KLHL12: variants seen among roughly 807,000 people sequenced by gnomAD.
KLHL12 encodes kelch-like protein 12.
In KLHL12, 17 loss-of-function variants were observed where a neutral mutation model predicts 60.8. The ratio of observed to expected loss-of-function variants is 0.28; its 90% confidence interval spans 0.19 to 0.42. The LOEUF is 0.42. KLHL12 is among the 10% of genes least tolerant of loss of function. KLHL12 has a pLI of 1.00. For synonymous variants in KLHL12, 220 were observed against 250.9 expected, an observed-to-expected ratio of 0.88 and a Z score of 1.16; for missense variants, 468 against 722.3, an observed-to-expected ratio of 0.65 and a Z score of 4.04.
chr1:202,893,857 G>A lies in KLHL12; in HGVS notation c.1393+327C>T, dbSNP rs1276290367. On this transcript the variant is annotated intron_variant, in intron 10 of 11. Transcript: ENST00000367261. The surrounding 1 kb of genome is among the most constrained non-coding windows in gnomAD (Gnocchi z 4.1). ...CCTGCTCCACTTCAAAAAGCTCTTG[G>A]TGAAGGTAAGTAGCTACTCTTTTGT... Among the ~76,000 whole-genome samples the A allele has an allele frequency of 3.3e-5, 5 of 152,168 alleles. No homozygotes were observed. The highest frequency in any genetic ancestry group is 1.2e-4 in the African/African-American group (5 of 41,422).
At chr1:202,912,798 G>C in intron 4 of KLHL12, 1 of 949,944 alleles carries the variant, frequency 1.1e-6, no homozygotes, top group Middle Eastern at 3.1e-4. Context: ...GGTTACAACA[G>C]ATTTGTGAAC....
chr1:202,911,808 C>T (rs1660371018), intron 4 of KLHL12: 11 of 718,922 alleles, frequency 1.5e-5, no homozygotes, highest in Admixed American at 1.1e-4. Context: ...TCCTCCCTGC[C>T]GTCATGTCTA....
At chr1:202,907,999 A>G (rs1017534737) in intron 6 of KLHL12, among the ~76,000 whole-genome samples, 1 of 152,214 alleles carries the variant, frequency 6.6e-6, no homozygotes, top group Non-Finnish European at 1.5e-5. Flanking sequence ...CTTAGCACGC[A>G]TCATGAGTCC....
At chr1:202,920,601 C>T (rs914482451) in intron 2 of KLHL12, among the ~76,000 whole-genome samples, 9 of 151,976 alleles carry the variant, frequency 5.9e-5, no homozygotes, top group African/African-American at 2.2e-4. Flanking sequence ...TGGTCTCGAT[C>T]TCCTCACCTC....
rs79946437 is a variant in KLHL12, at chr1:202,910,107, C to T, written c.717+947G>A. On this transcript the variant is annotated intron_variant, in intron 5 of 11. Coordinates refer to ENST00000367261, the MANE Select transcript of KLHL12 (RefSeq NM_021633.4). ...AGTAGTAAACACTTATGTACAAAGA[C>T]TTGGTTTTAAAAGTTTTCACATAGT... is the stretch of plus-strand genomic sequence containing the variant. Among the ~76,000 whole-genome samples the T allele has an allele frequency of 7.9e-3, 1,208 of 152,244 alleles. 13 individuals carry two copies. Among genetic ancestry groups the T allele is most frequent in the African/African-American group, 0.023 (948 of 41,548 alleles).
chr1:202,925,070 G>A lies in KLHL12; in HGVS notation c.93C>T (p.Thr31=). The A allele has an allele frequency of 1.2e-6, 2 of 1,614,042 alleles. No individual in the cohort carries two copies. The highest frequency in any genetic ancestry group is 1.3e-5 in the African/African-American group (1 of 74,972). ...NSMNSLRKSN[T]LCDVTLRVEQ... ...CTACTCTCAATGTCACATCACAGAGGGTATTGCTCTTCCTGAGGGAGTTCA... is the reference window on the plus strand; with the variant it reads ...CTACTCTCAATGTCACATCACAGAGAGTATTGCTCTTCCTGAGGGAGTTCA... Residue 31 remains threonine, a synonymous_variant, in exon 2 of 12, where the codon ACC becomes ACT. Coordinates refer to ENST00000367261, the MANE Select transcript of KLHL12 (RefSeq NM_021633.4).
Position 202,925,007 on chromosome 1 carries a change from A to C in KLHL12, c.156T>G (p.Ala52=), listed in dbSNP as rs1409018268. 1.9e-6 allele frequency: 3 copies of C among 1,614,214 alleles called. No individual in the cohort carries two copies. In the East Asian group the frequency reaches 6.7e-5, roughly 36 times the overall value. ...KDFPAHRIVL[A]ACSDYFCAMF... ...TGGCACAGAAGTAATCACTACAGGC[A>C]GCCAGCACAATCCGATGGGCAGGGA... Residue 52 remains alanine (A), a synonymous_variant, in exon 2 of 12, where the codon GCT becomes GCG. Transcript: ENST00000367261.
intron 6 of KLHL12, among the ~76,000 whole-genome samples, chr1:202,898,374 G>C (rs1231548988): frequency 6.6e-6 from 1 of 152,170 alleles, no homozygotes; most frequent in Admixed American, 6.5e-5. Context: ...AGCAAATGTA[G>C]TACCTTGAAG....
intron 10 of KLHL12, 62 bp downstream of exon 10, chr1:202,894,122 C>A: frequency 1.1e-6 from 1 of 907,304 alleles, no homozygotes; most frequent in Non-Finnish European, 1.8e-6. Context: ...CATGCACCAC[C>A]ATTATATATG....
At chr1:202,924,637 T>C (rs1025016976) in intron 2 of KLHL12, among the ~76,000 whole-genome samples, 4 of 152,042 alleles carry the variant, frequency 2.6e-5, no homozygotes, top group African/African-American at 9.7e-5. Flanking sequence ...AGGAGAAAAA[T>C]TGGAAGACAA....
At chr1:202,922,261 T>C (rs1660715393) in intron 2 of KLHL12, among the ~76,000 whole-genome samples, 1 of 141,132 alleles carries the variant, frequency 7.1e-6, no homozygotes, top group African/African-American at 2.6e-5. Flanking sequence ...AGGTCTGATA[T>C]TATTACTATC....
intron 10 of KLHL12, 63 bp downstream of exon 10, chr1:202,894,121 C>A: frequency 1.1e-6 from 1 of 906,876 alleles, no homozygotes; most frequent in Non-Finnish European, 1.8e-6. Flanking sequence ...CCATGCACCA[C>A]CATTATATAT....
intron 2 of KLHL12, among the ~76,000 whole-genome samples, chr1:202,921,795 TA>T (rs1053379255): frequency 6.6e-6 from 1 of 152,344 alleles, no homozygotes; most frequent in African/African-American, 2.4e-5. Context: ...TCATTTTACT[TA>T]AAAAACTCTG....
Position 202,892,494 on chromosome 1 carries a change from T to TG in KLHL12, c.*38dup. The TG allele has an allele frequency of 6.2e-7, 1 of 1,606,792 alleles. No homozygotes were observed. Among genetic ancestry groups the TG allele is most frequent in the South Asian group, 1.1e-5 (1 of 90,836 alleles). On this transcript the variant is annotated 3_prime_UTR_variant, in exon 12 of 12. Coordinates refer to ENST00000367261, the MANE Select transcript of KLHL12 (RefSeq NM_021633.4). ...TTTGATTCTCCCACTAACTGTCCAC[T>TG]GGACTGGTCACTAGCTCTGGATGGT...
intron 2 of KLHL12, among the ~76,000 whole-genome samples, chr1:202,924,314 CTTCCT>C (rs762357759): frequency 1.6e-4 from 24 of 152,236 alleles, no homozygotes; most frequent in Non-Finnish European, 1.9e-4. Context: ...AAAAACTCTT[CTTCCT>C]TTCATTTGAA....
Position 202,891,503 on chromosome 1 carries a change from A to C in KLHL12, c.*1030T>G, listed in dbSNP as rs139515782. The C allele has an allele frequency of 1.1e-3, 171 of 152,554 alleles. No individual in the cohort carries two copies. Among genetic ancestry groups the C allele is most frequent in the African/African-American group, 3.9e-3 (161 of 41,588 alleles). The allele number at this position is 152,554 out of a possible 1,614,324, so 9.5% of individuals were successfully genotyped here. On this transcript the variant is annotated 3_prime_UTR_variant, in exon 12 of 12. Coordinates refer to ENST00000367261, the MANE Select transcript of KLHL12 (RefSeq NM_021633.4). The stretch of plus-strand genomic sequence containing the variant: ...TTGGCAGACATGTGCTTCTAAAAGA[A>C]TGGGGCAGTAATCAGGTAGCTGAAC...
At chr1:202,900,397 A>C (rs538177397) in intron 6 of KLHL12, among the ~76,000 whole-genome samples, 2 of 152,076 alleles carry the variant, frequency 1.3e-5, no homozygotes, top group Non-Finnish European at 2.9e-5. Context: ...AATAATAAAA[A>C]AAAATAGCCA....
chr1:202,895,055 T>C lies in KLHL12; in HGVS notation c.1136-306A>G, dbSNP rs1659790006. 6.6e-6 allele frequency among the ~76,000 whole-genome samples: 1 copy of C among 152,132 alleles called. No homozygotes were observed. The highest frequency in any genetic ancestry group is 2.1e-4 in the South Asian group (1 of 4,834). On this transcript the variant is annotated intron_variant, in intron 8 of 11. Coordinates refer to ENST00000367261, the MANE Select transcript of KLHL12 (RefSeq NM_021633.4). This position sits in a 1 kb window ranked among gnomAD's most constrained non-coding sequence, Gnocchi z 4.2. ...TAGTCAATAATGAAACATCCATGAA[T>C]ATTGAACAGCTTCTATTACACTGAT... is the stretch of plus-strand genomic sequence containing the variant.
chr1:202,898,641 A>G (rs66898765), intron 6 of KLHL12, among the ~76,000 whole-genome samples: 35,386 of 152,086 alleles, frequency 0.23, 4,721 homozygotes, highest in East Asian at 0.57. Flanking sequence ...AAATGACACT[A>G]CAAAGATGCA....
Sources: allele counts gnomAD v4.1 joint callset (sites outside exome capture counted in the v4.1 genomes callset), GRCh38; gene constraint gnomAD v4.1.1; non-coding constraint Gnocchi (gnomAD v3.1); transcripts MANE v1.5; gene names NCBI Gene and HGNC (gene_info 2026-07-23, HGNC 2026-07-21).